SHC4: variants seen among roughly 807,000 people sequenced by gnomAD.
SHC4 encodes the protein SHC adaptor protein 4, also known as SHC-transforming protein 4.
In SHC4, 41 loss-of-function variants were observed where a neutral mutation model predicts 69.4. That is an observed-to-expected ratio of 0.59 (90% CI 0.46 to 0.77). The LOEUF is 0.77. Ranked by LOEUF, SHC4 falls within the 30% of genes least tolerant of loss-of-function variation. SHC4 has a pLI of 0.00. For missense variants in SHC4, 777 were observed against 783.8 expected, an observed-to-expected ratio of 0.99 and a Z score of 0.10; for synonymous variants, 318 against 299.3, an observed-to-expected ratio of 1.06 and a Z score of -0.64.
chr15:48,869,596 A>T (rs1480288124), intron 5 of SHC4, among the ~76,000 whole-genome samples: 1 of 152,216 alleles, frequency 6.6e-6, no homozygotes, highest in African/African-American at 2.4e-5. Context: ...GGCAATAGGG[A>T]TTATCCTCCA....
At chr15:48,913,860 C>T (rs944873281) in intron 2 of SHC4, among the ~76,000 whole-genome samples, 1 of 152,218 alleles carries the variant, frequency 6.6e-6, no homozygotes, top group Non-Finnish European at 1.5e-5. Flanking sequence ...CTCCCGCAAA[C>T]AGATCTTCAG....
At chr15:48,832,800 G>GT (rs1254455258) in intron 11 of SHC4, among the ~76,000 whole-genome samples, 1 of 151,904 alleles carries the variant, frequency 6.6e-6, no homozygotes, top group African/African-American at 2.4e-5. Context: ...GAGTTTGCTG[G>GT]TTTTTTTCTT....
intron 4 of SHC4, among the ~76,000 whole-genome samples, chr15:48,875,708 G>A (rs8031335): frequency 6.6e-6 from 1 of 152,058 alleles, no homozygotes; most frequent in Non-Finnish European, 1.5e-5. Context: ...CAGGAAAGTG[G>A]AATCAGTCAT....
Position 48,963,040 on chromosome 15 carries a change from T to C in SHC4, c.-25A>G, listed in dbSNP as rs747344456. 7.0e-6 allele frequency: 11 copies of C among 1,567,242 alleles called. No individual in the cohort carries two copies. In the Admixed American group the frequency reaches 1.8e-4, roughly 26 times the overall value. On this transcript the variant is annotated 5_prime_UTR_variant, in exon 1 of 12. Transcript: ENST00000332408. ...TAGCCTTGGCAGTGCTGAAACAGGA[T>C]ACTGTTGCATAAATCGCCTCGTCGT...
chr15:48,947,581 G>T (rs1297305853), intron 1 of SHC4, among the ~76,000 whole-genome samples: 1 of 152,094 alleles, frequency 6.6e-6, no homozygotes, highest in Non-Finnish European at 1.5e-5. Flanking sequence ...ACAAGTGAGA[G>T]AACAATCTCA....
chr15:48,884,102 G>T, intron 4 of SHC4, 146 bp downstream of exon 4: 1 of 841,142 alleles, frequency 1.2e-6, no homozygotes, highest in Non-Finnish European at 1.6e-6. Flanking sequence ...TCTAATGATT[G>T]TTATGCATAA....
At chr15:48,844,323 G>C (rs1182515602) in intron 9 of SHC4, among the ~76,000 whole-genome samples, 1 of 152,044 alleles carries the variant, frequency 6.6e-6, no homozygotes, top group Non-Finnish European at 1.5e-5. Flanking sequence ...TTTCTCAGAG[G>C]TTTCACACCT....
At position 48,843,397 on chromosome 15, in the gene SHC4, G is replaced by C. The variant is rs1899028439; in HGVS notation, c.1483+12C>G. 1 of 1,597,634 alleles carries C rather than the reference G, an allele frequency of 6.3e-7. No individual in the cohort carries two copies. The highest frequency in any genetic ancestry group is 8.5e-7 in the Non-Finnish European group (1 of 1,169,654). On this transcript the variant is annotated intron_variant, in intron 10 of 11. Transcript: ENST00000332408. ...CCTAAGAAATGAATACAGACAGTGA[G>C]TAGCTACTTACTTCCGCAGTGCCAT...
intron 2 of SHC4, among the ~76,000 whole-genome samples, chr15:48,915,831 T>A (rs183019343): frequency 2.4e-4 from 36 of 152,292 alleles, no homozygotes; most frequent in Admixed American, 2.2e-3. Flanking sequence ...ACTCCTGATT[T>A]TTTTCTCCTT....
At position 48,894,409 on chromosome 15, in the gene SHC4, G is replaced by T. The variant is rs7178562; in HGVS notation, c.657-3598C>A. On this transcript the variant is annotated intron_variant, in intron 2 of 11. Coordinates refer to ENST00000332408, the MANE Select transcript of SHC4 (RefSeq NM_203349.4). Reference sequence around the variant, plus strand: ...AAATATTGAAAATAATGCAGAGTAAGTTCCTTCAGCAGGAGTTTTGCTAGT... The same window carrying T: ...AAATATTGAAAATAATGCAGAGTAATTTCCTTCAGCAGGAGTTTTGCTAGT... 2.5e-3 allele frequency among the ~76,000 whole-genome samples: 384 copies of T among 152,254 alleles called. 4 individuals carry two copies. The highest frequency in any genetic ancestry group is 8.9e-3 in the African/African-American group (370 of 41,572).
intron 8 of SHC4, among the ~76,000 whole-genome samples, chr15:48,854,659 C>T (rs1056399308): frequency 2.0e-4 from 31 of 152,184 alleles, no homozygotes; most frequent in African/African-American, 7.5e-4. Context: ...AAAATCATGT[C>T]CTTTGCAACA....
intron 1 of SHC4, among the ~76,000 whole-genome samples, chr15:48,929,861 A>C (rs1304959356): frequency 6.6e-6 from 1 of 152,174 alleles, no homozygotes; most frequent in African/African-American, 2.4e-5. Context: ...GCATAGGTTT[A>C]CCTAACTCCC....
chr15:48,854,450 G>A (rs1486810630), intron 8 of SHC4, among the ~76,000 whole-genome samples: 1 of 152,178 alleles, frequency 6.6e-6, no homozygotes, highest in East Asian at 1.9e-4. Context: ...ATTTGACCCA[G>A]CAATCCCAAC....
intron 9 of SHC4, among the ~76,000 whole-genome samples, chr15:48,846,378 C>T (rs933214951): frequency 6.6e-6 from 1 of 152,084 alleles, no homozygotes; most frequent in Non-Finnish European, 1.5e-5. Context: ...AGCAGGTATT[C>T]GATAAATAGT....
intron 1 of SHC4, among the ~76,000 whole-genome samples, chr15:48,941,581 A>C (rs74012199): frequency 6.6e-6 from 1 of 152,136 alleles, no homozygotes; most frequent in Non-Finnish European, 1.5e-5. Flanking sequence ...GCGAGATCAC[A>C]GTCCCTGGGG....
intron 4 of SHC4, among the ~76,000 whole-genome samples, chr15:48,883,068 GAAAAT>G (rs1391452922): frequency 6.6e-6 from 1 of 151,850 alleles, no homozygotes; most frequent in Admixed American, 6.6e-5. Context: ...TTTTAATTTA[GAAAAT>G]AAAATAGACC....
At position 48,872,004 on chromosome 15, in the gene SHC4, GTTATT is replaced by G. The variant is rs1899685611; in HGVS notation, c.894+80_894+84del. ...AGTGGCTAATATGGTTTATGTAAAAGTTATTTTATTTTATTATCATCCAGCCCCAA... is the reference window on the plus strand; with the variant it reads ...AGTGGCTAATATGGTTTATGTAAAAGTTATTTTATTATCATCCAGCCCCAA... On this transcript the variant is annotated intron_variant, in intron 5 of 11. Transcript: ENST00000332408. 3.5e-6 allele frequency: 3 copies of G among 856,102 alleles called. 1 individual carries two copies. Among genetic ancestry groups the G allele is most frequent in the East Asian group, 2.7e-5 (1 of 36,646 alleles). The allele number at this position is 856,102 out of a possible 1,614,324, so 53.0% of individuals were successfully genotyped here.
chr15:48,871,979 A>C (rs1376156993), intron 5 of SHC4, 110 bp downstream of exon 5: 2 of 665,374 alleles, frequency 3.0e-6, no homozygotes, highest in Non-Finnish European at 5.3e-6. Context: ...AAAGACATGT[A>C]GTGGCTAATA....
At chr15:48,891,184 A>C (rs953831789) in intron 2 of SHC4, among the ~76,000 whole-genome samples, 1 of 152,224 alleles carries the variant, frequency 6.6e-6, no homozygotes, top group Non-Finnish European at 1.5e-5. Context: ...TCATCTCTGT[A>C]ATGTTATGAA....
Sources: allele counts gnomAD v4.1 joint callset (sites outside exome capture counted in the v4.1 genomes callset), GRCh38; gene constraint gnomAD v4.1.1; transcripts MANE v1.5; gene names NCBI Gene and HGNC (gene_info 2026-07-23, HGNC 2026-07-21).